Variants in GRM3 observed in about 807,000 individuals in gnomAD.
GRM3 encodes metabotropic glutamate receptor 3.
Under a neutral mutation model 70.5 loss-of-function variants are expected in GRM3, and 26 were observed. That is an observed-to-expected ratio of 0.37 (90% CI 0.27 to 0.51). The LOEUF is 0.51. Ranked by LOEUF, GRM3 falls within the 20% of genes least tolerant of loss-of-function variation. The pLI, the probability that GRM3 is intolerant of heterozygous loss-of-function variation, is 0.93. For synonymous variants in GRM3, 443 were observed against 434.9 expected (o/e 1.02, Z -0.23); for missense variants, 859 against 1,123.8 (o/e 0.76, Z 3.37).
chr7:86,786,792 G>T lies in GRM3; in HGVS notation c.1000G>T (p.Asp334Tyr). The part of the protein sequence containing the change: ...ELASQPVRQF[D>Y]RYFQSLNPYN... The stretch of plus-strand genomic sequence containing the variant: ...GGCCTCCCAGCCTGTCCGCCAGTTC[G>T]ACCGCTACTTCCAGAGCCTCAACCC... Residue 334 changes from aspartate to tyrosine, a missense_variant, in exon 3 of 6, where the codon GAC becomes TAC. By Grantham distance (160) the Asp-to-Tyr change is radical. Coordinates refer to ENST00000361669, the MANE Select transcript of GRM3 (RefSeq NM_000840.3). The surrounding 1 kb of genome is among the most constrained non-coding windows in gnomAD (Gnocchi z 6.0). 6.2e-7 allele frequency: 1 copy of T among 1,614,134 alleles called. No homozygotes were observed. The highest frequency in any genetic ancestry group is 8.5e-7 in the Non-Finnish European group (1 of 1,180,014).
intron 3 of GRM3, among the ~76,000 whole-genome samples, chr7:86,796,717 G>A (rs1002945345): frequency 6.6e-6 from 1 of 152,088 alleles, no homozygotes; most frequent in Non-Finnish European, 1.5e-5. Context: ...TCATTTGTTT[G>A]TGTTCTCTCT....
rs188780618 is a variant in GRM3, at chr7:86,730,662, C to G, written c.-140-34344C>G. 1.8e-3 allele frequency among the ~76,000 whole-genome samples: 278 copies of G among 152,298 alleles called. 1 individual carries two copies. Among genetic ancestry groups the G allele is most frequent in the African/African-American group, 6.2e-3 (259 of 41,558 alleles). On this transcript the variant is annotated intron_variant, in intron 1 of 5. Transcript: ENST00000361669. Reference sequence around the variant, plus strand: ...AATTATTGGTCAGACCAACTTTCTTCCAACAGTTTTAGTCTCCTAGATCTT... The same window carrying G: ...AATTATTGGTCAGACCAACTTTCTTGCAACAGTTTTAGTCTCCTAGATCTT...
intron 1 of GRM3, among the ~76,000 whole-genome samples, chr7:86,721,604 A>G (rs867608007): frequency 2.1e-4 from 32 of 152,120 alleles, no homozygotes; most frequent in Non-Finnish European, 3.8e-4. Context: ...TTGGAGTCCA[A>G]CACTGTGCTT....
chr7:86,746,843 T>C lies in GRM3; in HGVS notation c.-140-18163T>C, dbSNP rs1413670791. Among the ~76,000 whole-genome samples the C allele has an allele frequency of 5.3e-5, 8 of 152,076 alleles. No homozygotes were observed. The East Asian group carries it at 1.4e-3, about 26-fold the overall frequency. On this transcript the variant is annotated intron_variant, in intron 1 of 5. Coordinates refer to ENST00000361669, the MANE Select transcript of GRM3 (RefSeq NM_000840.3). ...GTTGGCAAATGCCACTATGGCCTGATAAAAAGTAGAAGAAGCCAAGGGCCT... is the reference window on the plus strand; with the variant it reads ...GTTGGCAAATGCCACTATGGCCTGACAAAAAGTAGAAGAAGCCAAGGGCCT...
At chr7:86,838,707 A>G in intron 3 of GRM3, 132 bp from the exon 4 acceptor site, 1 of 615,004 alleles carries the variant, frequency 1.6e-6, no homozygotes, top group Non-Finnish European at 2.8e-6. Flanking sequence ...TTTCAATGGT[A>G]ACTGATAAAT....
rs1797228878 is a variant in GRM3, at chr7:86,785,994, A to G, written c.469-267A>G. On this transcript the variant is annotated intron_variant, in intron 2 of 5. Transcript: ENST00000361669. Reference sequence around the variant, plus strand: ...CCTAGTCTAGAGTCTAGCACAGAGTATAGAAGAGAGTGTGGTGCCCTTCTC... The same window carrying G: ...CCTAGTCTAGAGTCTAGCACAGAGTGTAGAAGAGAGTGTGGTGCCCTTCTC... The G allele has an allele frequency of 9.6e-6, 4 of 416,682 alleles. No homozygotes were observed. In the East Asian group the frequency reaches 2.1e-4, roughly 21 times the overall value. The allele number at this position is 416,682 out of a possible 1,614,324, so 25.8% of individuals were successfully genotyped here.
chr7:86,690,258 G>A (rs890962566), intron 1 of GRM3, among the ~76,000 whole-genome samples: 14 of 152,130 alleles, frequency 9.2e-5, no homozygotes, highest in African/African-American at 3.4e-4. Flanking sequence ...TGGGACCTGA[G>A]CATGTAGAAG....
intron 3 of GRM3, among the ~76,000 whole-genome samples, chr7:86,822,893 G>T (rs2116690056): frequency 6.6e-6 from 1 of 152,218 alleles, no homozygotes; most frequent in South Asian, 2.1e-4. Flanking sequence ...TTACTGTTTA[G>T]CTTTGTTAAT....
In GRM3 at chr7:86,691,042, C is replaced by T. The variant is rs35739755; in HGVS notation, c.-141+46170C>T. Among the ~76,000 whole-genome samples the T allele has an allele frequency of 6.3e-3, 964 of 152,212 alleles. 3 individuals carry two copies. Among genetic ancestry groups the T allele is most frequent in the Middle Eastern group, 0.02 (6 of 294 alleles). ...AAGTTTCTTTAAAAATTCTGCTTTT[C>T]CTCTACTACCATTTCCTAGTTGCCC... On this transcript the variant is annotated intron_variant, in intron 1 of 5. Transcript: ENST00000361669.
chr7:86,860,257 T>C (rs540632764), intron 5 of GRM3, among the ~76,000 whole-genome samples: 1 of 152,312 alleles, frequency 6.6e-6, no homozygotes, highest in East Asian at 1.9e-4. Context: ...ATGATAGTAC[T>C]TTGCCCTTCT....
chr7:86,858,653 A>G (rs1351388274), intron 5 of GRM3, among the ~76,000 whole-genome samples: 1 of 152,216 alleles, frequency 6.6e-6, no homozygotes, highest in African/African-American at 2.4e-5. Context: ...AGTAAGTGAT[A>G]TTCTGTCACA....
intron 2 of GRM3, among the ~76,000 whole-genome samples, chr7:86,785,685 A>ATGTTTTTTTTTTT (rs1797213949): frequency 1.5e-5 from 1 of 65,192 alleles, no homozygotes; most frequent in African/African-American, 5.6e-5. Context: ...AATAGAATTG[A>ATGTTTTTTTTTTT]TTTTTTTTTT....
intron 1 of GRM3, among the ~76,000 whole-genome samples, chr7:86,685,069 G>C (rs994469145): frequency 3.9e-5 from 6 of 152,190 alleles, no homozygotes; most frequent in South Asian, 4.1e-4. Flanking sequence ...ATTGTTGCTA[G>C]GTTCAATTTC....
At chr7:86,783,224 C>T (rs765818584) in intron 2 of GRM3, among the ~76,000 whole-genome samples, 54 of 152,132 alleles carry the variant, frequency 3.5e-4, no homozygotes, top group Non-Finnish European at 6.6e-4. Flanking sequence ...TGGTGTATAC[C>T]ATAATATTGC....
intron 1 of GRM3, among the ~76,000 whole-genome samples, chr7:86,659,241 G>A (rs772304129): frequency 6.6e-5 from 10 of 152,032 alleles, no homozygotes; most frequent in South Asian, 2.1e-4. Context: ...AAATGAATGC[G>A]GTTAACACAC....
chr7:86,725,950 C>G (rs1263730630), intron 1 of GRM3, among the ~76,000 whole-genome samples: 1 of 152,066 alleles, frequency 6.6e-6, no homozygotes, highest in Non-Finnish European at 1.5e-5. Context: ...AAGACACTGC[C>G]CTCATGGCCT....
intron 3 of GRM3, among the ~76,000 whole-genome samples, chr7:86,801,984 T>C (rs932039296): frequency 1.3e-5 from 2 of 152,158 alleles, no homozygotes; most frequent in Non-Finnish European, 2.9e-5. Context: ...GGTCTATCAT[T>C]TTCACCCTGA....
At chr7:86,685,644 C>A (rs1160630098) in intron 1 of GRM3, among the ~76,000 whole-genome samples, 1 of 152,144 alleles carries the variant, frequency 6.6e-6, no homozygotes. Context: ...CGGTGGCTCA[C>A]GCCTGTAATC....
At position 86,644,260 on chromosome 7, in the gene GRM3, C is replaced by G. The variant is rs1024608336; in HGVS notation, c.-753C>G. 5.4e-6 allele frequency: 1 copy of G among 184,602 alleles called. No homozygotes were observed. Among genetic ancestry groups the G allele is most frequent in the Non-Finnish European group, 1.1e-5 (1 of 87,926 alleles). The allele number at this position is 184,602 out of a possible 1,614,324, so 11.4% of individuals were successfully genotyped here. On this transcript the variant is annotated 5_prime_UTR_variant, in exon 1 of 6. Transcript: ENST00000361669. ...TATAAAAATCCTCTCGTCTAGGTAC[C>G]CTGGCTCACTGAAGACTCTGCAGAT...
Sources: allele counts gnomAD v4.1 joint callset (sites outside exome capture counted in the v4.1 genomes callset), GRCh38; gene constraint gnomAD v4.1.1; non-coding constraint Gnocchi (gnomAD v3.1); transcripts MANE v1.5; gene names NCBI Gene and HGNC (gene_info 2026-07-23, HGNC 2026-07-21).